Variants in ACAP2 observed in about 807,000 individuals in gnomAD.
The protein encoded by ACAP2 is ArfGAP with coiled-coil, ankyrin repeat and PH domains 2, also known as arf-GAP with coiled-coil, ANK repeat and PH domain-containing protein 2.
A neutral mutation model predicts 115.8 loss-of-function variants in ACAP2; 39 were observed. The ratio of observed to expected loss-of-function variants is 0.34; its 90% CI spans 0.26 to 0.44. The LOEUF is 0.44. Among genes scored for constraint, ACAP2 ranks in the 20% least tolerant of loss-of-function variants. The pLI is 1.00. For missense variants in ACAP2, 662 were observed against 927.6 expected, an observed-to-expected ratio of 0.71 and a Z score of 3.72; for synonymous variants, 289 against 315.8, an observed-to-expected ratio of 0.92 and a Z score of 0.90.
intron 1 of ACAP2, among the ~76,000 whole-genome samples, chr3:195,401,544 G>A (rs1269124683): frequency 6.6e-6 from 1 of 152,128 alleles, no homozygotes; most frequent in African/African-American, 2.4e-5. Context: ...GTGCACGCCT[G>A]CAATCCCAGC....
Position 195,276,045 on chromosome 3 carries a change from TA to T in ACAP2, c.*3282del, listed in dbSNP as rs1157781668. On this transcript the variant is annotated 3_prime_UTR_variant, in exon 23 of 23. Coordinates refer to ENST00000326793, the MANE Select transcript of ACAP2 (RefSeq NM_012287.6). Reference sequence around the variant, plus strand: ...ATTATACACAAGTGTTATCTGACAATATAAGAATGATCTGGGAATGTCTGTT... The same window carrying T: ...ATTATACACAAGTGTTATCTGACAATTAAGAATGATCTGGGAATGTCTGTT... 3.9e-5 allele frequency: 6 copies of T among 152,640 alleles called. No homozygotes were observed. The highest frequency in any genetic ancestry group is 8.8e-5 in the Non-Finnish European group (6 of 68,034). The allele number at this position is 152,640 out of a possible 1,614,324, so 9.5% of individuals were successfully genotyped here. A position where few individuals can be genotyped will look rare whatever the true frequency, so the allele number is the denominator to read the frequency against.
chr3:195,421,593 A>G (rs1349975194), intron 1 of ACAP2, among the ~76,000 whole-genome samples: 2 of 152,228 alleles, frequency 1.3e-5, no homozygotes, highest in Non-Finnish European at 2.9e-5. Context: ...TAGTCATAGG[A>G]AAGATTACAT....
Position 195,429,981 on chromosome 3 carries a change from TTC to T in ACAP2, c.53+12812_53+12813del, listed in dbSNP as rs1305267039. 5.9e-5 allele frequency among the ~76,000 whole-genome samples: 9 copies of T among 152,246 alleles called. No individual in the cohort carries two copies. The South Asian group carries it at 8.3e-4, about 14-fold the overall frequency. ...GGATAATGAGGGGTCATTAATATTA[TTC>T]TGTTTAATTTGTATATGCTTGAAAT... On this transcript the variant is annotated intron_variant, in intron 1 of 22. Transcript: ENST00000326793.
intron 20 of ACAP2, among the ~76,000 whole-genome samples, chr3:195,289,738 G>A (rs192333136): frequency 1.6e-3 from 240 of 147,422 alleles, no homozygotes; most frequent in African/African-American, 5.5e-3. Flanking sequence ...CCCGGGAGGC[G>A]GAGCTTGCAG....
rs760031148 is a variant in ACAP2 at position 195,366,996 on chromosome 3, G to C, written c.285+14013C>G. On this transcript the variant is annotated intron_variant, in intron 4 of 22. Transcript: ENST00000326793. Reference sequence around the variant, plus strand: ...TGTAAAAGTAGCCATAGACAATACAGAAACAGAAGAGCATAGCTGTGTTCC... The same window carrying C: ...TGTAAAAGTAGCCATAGACAATACACAAACAGAAGAGCATAGCTGTGTTCC... Among the ~76,000 whole-genome samples, 57 of 123,180 alleles carry C rather than the reference G, an allele frequency of 4.6e-4. No homozygotes were observed. The Middle Eastern group carries it at 0.028, about 61-fold the overall frequency. 80.8% of individuals were successfully genotyped at this position (123,180 alleles called of 152,430 possible).
chr3:195,297,862 C>G (rs1349399060), intron 15 of ACAP2, among the ~76,000 whole-genome samples: 1 of 152,168 alleles, frequency 6.6e-6, no homozygotes, highest in Non-Finnish European at 1.5e-5. Flanking sequence ...ATTTTCCTTT[C>G]CATCTGTTAC....
At chr3:195,405,552 G>A (rs1261580650) in intron 1 of ACAP2, among the ~76,000 whole-genome samples, 1 of 152,008 alleles carries the variant, frequency 6.6e-6, no homozygotes, top group Non-Finnish European at 1.5e-5. Context: ...TGGGTGTGGT[G>A]GCGCACACCT....
In ACAP2 at chr3:195,324,021, C is replaced by T. The variant is rs537463361; in HGVS notation, c.744+2864G>A. 2.3e-3 allele frequency among the ~76,000 whole-genome samples: 351 copies of T among 151,420 alleles called. 2 individuals carry two copies. Among genetic ancestry groups the T allele is most frequent in the African/African-American group, 8.4e-3 (346 of 41,256 alleles). On this transcript the variant is annotated intron_variant, in intron 9 of 22. Transcript: ENST00000326793. Reference sequence around the variant, plus strand: ...GCCTGTATCAAAATATTTCATGTACCCCATAAATAATACCACCTACTATGT... The same window carrying T: ...GCCTGTATCAAAATATTTCATGTACTCCATAAATAATACCACCTACTATGT...
At chr3:195,425,027 A>C (rs1714572153) in intron 1 of ACAP2, among the ~76,000 whole-genome samples, 1 of 84,678 alleles carries the variant, frequency 1.2e-5, no homozygotes, top group Admixed American at 1.2e-4. Context: ...ACTCCGTCTC[A>C]AAAAAAAAAA....
intron 4 of ACAP2, among the ~76,000 whole-genome samples, chr3:195,364,218 A>G (rs547168452): frequency 7.7e-4 from 118 of 152,356 alleles, no homozygotes; most frequent in Non-Finnish European, 1.5e-3. Flanking sequence ...TTATAACAAG[A>G]ATATTATAAA....
chr3:195,279,272 T>A lies in ACAP2; in HGVS notation c.*56A>T. ...AAGCAGTAAAAAAATTGTGATTTTTTAGCTGTATACATTAGGGGGTCACCA... is the reference window on the plus strand; with the variant it reads ...AAGCAGTAAAAAAATTGTGATTTTTAAGCTGTATACATTAGGGGGTCACCA... On this transcript the variant is annotated 3_prime_UTR_variant, in exon 23 of 23. Coordinates refer to ENST00000326793, the MANE Select transcript of ACAP2 (RefSeq NM_012287.6). 1 of 1,222,618 alleles carries A rather than the reference T, an allele frequency of 8.2e-7. No homozygotes were observed. The highest frequency in any genetic ancestry group is 1.2e-6 in the Non-Finnish European group (1 of 858,428). The allele number at this position is 1,222,618 out of a possible 1,614,324, so 75.7% of individuals were successfully genotyped here. A position where few individuals can be genotyped will look rare whatever the true frequency, so the allele number is the denominator to read the frequency against.
At chr3:195,346,336 T>C (rs778883858) in intron 4 of ACAP2, among the ~76,000 whole-genome samples, 5 of 152,154 alleles carry the variant, frequency 3.3e-5, no homozygotes, top group Non-Finnish European at 7.4e-5. Flanking sequence ...ATTTGGTTCT[T>C]AGCGAATATT....
intron 1 of ACAP2, among the ~76,000 whole-genome samples, chr3:195,418,631 T>C (rs1366372252): frequency 6.6e-6 from 1 of 152,170 alleles, no homozygotes; most frequent in Non-Finnish European, 1.5e-5. Context: ...GGTCAGGCTA[T>C]GTTGCCCAGT....
intron 1 of ACAP2, among the ~76,000 whole-genome samples, chr3:195,394,940 T>G (rs1394748087): frequency 1.4e-5 from 2 of 144,944 alleles, no homozygotes; most frequent in African/African-American, 5.2e-5. Flanking sequence ...TTTTTTAAAG[T>G]AGGGGGTGGT....
At chr3:195,405,986 C>T (rs533701516) in intron 1 of ACAP2, among the ~76,000 whole-genome samples, 1 of 152,246 alleles carries the variant, frequency 6.6e-6, no homozygotes, top group Admixed American at 6.5e-5. Context: ...ATGATCCAAT[C>T]ACCCCCACAC....
intron 4 of ACAP2, among the ~76,000 whole-genome samples, chr3:195,358,645 T>C (rs558153065): frequency 6.6e-6 from 1 of 152,030 alleles, no homozygotes; most frequent in East Asian, 1.9e-4. Flanking sequence ...AAAGAATTCC[T>C]GAGACTTATG....
At chr3:195,405,769 A>C (rs764018241) in intron 1 of ACAP2, among the ~76,000 whole-genome samples, 9 of 152,190 alleles carry the variant, frequency 5.9e-5, no homozygotes, top group Non-Finnish European at 1.3e-4. Context: ...GCTGTATAGG[A>C]AGCATGATAG....
chr3:195,329,087 A>AAG (rs2108620231), intron 8 of ACAP2, among the ~76,000 whole-genome samples: 1 of 152,124 alleles, frequency 6.6e-6, no homozygotes, highest in East Asian at 1.9e-4. Flanking sequence ...CTCAAAAAAA[A>AAG]AAAAAAAGAA....
chr3:195,382,009 C>T lies in ACAP2; in HGVS notation c.125G>A (p.Cys42Tyr), dbSNP rs779522997. 7 of 1,596,084 alleles carry T rather than the reference C, an allele frequency of 4.4e-6. No individual in the cohort carries two copies. The East Asian group carries it at 1.6e-4, about 36-fold the overall frequency. The change falls in exon 3 of 23, where the codon TGT becomes TAT. Residue 42 changes from cysteine (C) to tyrosine (Y), a missense_variant. By Grantham distance (194) the Cys-to-Tyr change is radical (BLOSUM62 -2). Transcript: ENST00000326793. ...TTTTCCAGTATCAATCATTGCAATA[C>T]AAAGTTTCACAAGCTGAAAAAGAAA... is the stretch of plus-strand genomic sequence containing the variant. ...ELKLDKLVKL[C>Y]IAMIDTGKAF... is the part of the protein sequence containing the mutation.
Sources: gnomAD v4.1 joint callset for allele counts (sites outside exome capture counted in the v4.1 genomes callset) on GRCh38, gnomAD v4.1.1 for gene constraint, MANE v1.5 for transcripts, NCBI Gene and HGNC (gene_info 2026-07-23, HGNC 2026-07-21) for gene names.